Variants in POU2F1 observed in about 807,000 individuals in gnomAD.
POU2F1 encodes POU domain, class 2, transcription factor 1.
A neutral mutation model predicts 84.9 loss-of-function variants in POU2F1; 16 were observed. The ratio of observed to expected loss-of-function variants is 0.19; its 90% CI spans 0.13 to 0.29. The LOEUF is 0.29. Ranked by LOEUF, POU2F1 falls within the 10% of genes least tolerant of loss-of-function variation. The probability of loss-of-function intolerance (pLI) is 1.00; values close to 1 mark genes in which losing one functional copy is unlikely to be tolerated. For missense variants in POU2F1, 738 were observed against 942.6 expected, an observed-to-expected ratio of 0.78 and a Z score of 2.84; for synonymous variants, 368 against 368.3, an observed-to-expected ratio of 1.00 and a Z score of 0.01.
chr1:167,323,813 C>T (rs1437020810), intron 1 of POU2F1, among the ~76,000 whole-genome samples: 1 of 152,176 alleles, frequency 6.6e-6, no homozygotes, highest in Non-Finnish European at 1.5e-5. Flanking sequence ...ATGCCTCAGC[C>T]TACTGAGTAG....
At chr1:167,405,033 G>A (rs1207724797) in intron 13 of POU2F1, among the ~76,000 whole-genome samples, 3 of 152,228 alleles carry the variant, frequency 2.0e-5, no homozygotes, top group South Asian at 2.1e-4. Flanking sequence ...CCATAGGTAC[G>A]TTTGACACAT....
At chr1:167,302,478 CCTT>C (rs1571260001) in intron 1 of POU2F1, among the ~76,000 whole-genome samples, 1 of 152,042 alleles carries the variant, frequency 6.6e-6, no homozygotes, top group South Asian at 2.1e-4. Context: ...AAGAGGGTCT[CCTT>C]CTCCTGACCT....
chr1:167,381,816 GCCAGGCTGGTCTTGAACT>G (rs1647582108), intron 7 of POU2F1, among the ~76,000 whole-genome samples: 1 of 151,278 alleles, frequency 6.6e-6, no homozygotes, highest in Non-Finnish European at 1.5e-5. Flanking sequence ...CACCATGTTG[GCCAGGCTGGTCTTGAACT>G]CCTGACCTCA....
intron 9 of POU2F1, among the ~76,000 whole-genome samples, chr1:167,395,635 C>T (rs1396241684): frequency 2.0e-5 from 3 of 151,984 alleles, no homozygotes; most frequent in South Asian, 2.1e-4. Context: ...GACAGGATCT[C>T]GCTCTGTCAC....
At chr1:167,414,874 A>G (rs896967414) in intron 15 of POU2F1, among the ~76,000 whole-genome samples, 1 of 152,250 alleles carries the variant, frequency 6.6e-6, no homozygotes, top group South Asian at 2.1e-4. Context: ...TTCATCTTGT[A>G]TATCATAATA....
chr1:167,323,756 G>A (rs987696223), intron 1 of POU2F1, among the ~76,000 whole-genome samples: 7 of 152,218 alleles, frequency 4.6e-5, no homozygotes, highest in East Asian at 3.9e-4. Flanking sequence ...GCAGTCACGC[G>A]ATCTCGGCTC....
At chr1:167,357,091 C>T (rs576404312) in intron 2 of POU2F1, among the ~76,000 whole-genome samples, 3 of 152,194 alleles carry the variant, frequency 2.0e-5, no homozygotes, top group Admixed American at 6.5e-5. Flanking sequence ...TCCCTGAAGC[C>T]GGCTGCCAAT....
chr1:167,406,472 T>G (rs2101930454), intron 13 of POU2F1, among the ~76,000 whole-genome samples: 1 of 152,310 alleles, frequency 6.6e-6, no homozygotes, highest in East Asian at 1.9e-4. Context: ...GTAAGAGTGT[T>G]TGTTTGCTCT....
chr1:167,243,564 C>G (rs1223550465), intron 1 of POU2F1, among the ~76,000 whole-genome samples: 1 of 152,212 alleles, frequency 6.6e-6, no homozygotes, highest in Non-Finnish European at 1.5e-5. Flanking sequence ...CAACCTCTGC[C>G]TCCCAGGTTC....
intron 1 of POU2F1, among the ~76,000 whole-genome samples, chr1:167,313,598 T>C (rs1489621207): frequency 6.6e-6 from 1 of 151,872 alleles, no homozygotes. Context: ...GACAAATGAC[T>C]GAAGAAAAAA....
Position 167,422,611 on chromosome 1 carries a change from A to G in POU2F1, c.*6801A>G, listed in dbSNP as rs1042558927. On this transcript the variant is annotated 3_prime_UTR_variant, in exon 16 of 16. Transcript: ENST00000367866. ...TGAGAAATGATGCTGGCTTAGGAAA[A>G]ATCACAAGCCCTTTCTGCCCATACT... The G allele has an allele frequency of 2.0e-5, 3 of 152,194 alleles. No individual in the cohort carries two copies. Among genetic ancestry groups the G allele is most frequent in the South Asian group, 2.1e-4 (1 of 4,830 alleles). 9.4% of individuals were successfully genotyped at this position (152,194 alleles called of 1,614,324 possible).
At chr1:167,307,697 A>G (rs1346836957) in intron 1 of POU2F1, among the ~76,000 whole-genome samples, 1 of 152,290 alleles carries the variant, frequency 6.6e-6, no homozygotes, top group East Asian at 1.9e-4. Flanking sequence ...TAGCCACAAT[A>G]CAAACATAAA....
At chr1:167,247,160 C>T (rs924138356) in intron 1 of POU2F1, among the ~76,000 whole-genome samples, 1 of 151,910 alleles carries the variant, frequency 6.6e-6, no homozygotes, top group Non-Finnish European at 1.5e-5. Flanking sequence ...ACTGCACTCT[C>T]AACCTTCTGG....
intron 1 of POU2F1, among the ~76,000 whole-genome samples, chr1:167,298,425 A>G (rs911175410): frequency 1.3e-5 from 2 of 152,182 alleles, no homozygotes; most frequent in Non-Finnish European, 2.9e-5. Context: ...AATAGCAAGC[A>G]GAAGAAAACA....
intron 2 of POU2F1, among the ~76,000 whole-genome samples, chr1:167,344,600 CT>C (rs1270776650): frequency 6.6e-6 from 1 of 152,112 alleles, no homozygotes; most frequent in Admixed American, 6.5e-5. Context: ...AGGCAAGTTA[CT>C]TTTTTCATGT....
chr1:167,253,030 C>CT, intron 1 of POU2F1, among the ~76,000 whole-genome samples: 1 of 152,258 alleles, frequency 6.6e-6, no homozygotes, highest in East Asian at 1.9e-4. Context: ...AAATGGCCTT[C>CT]TTTTATCACC....
chr1:167,273,476 T>A (rs968362951), intron 1 of POU2F1, among the ~76,000 whole-genome samples: 2 of 152,172 alleles, frequency 1.3e-5, no homozygotes, highest in Non-Finnish European at 2.9e-5. Context: ...TTTCCATACA[T>A]CCTCTGAAAT....
At chr1:167,227,418 A>G (rs1026729585) in intron 1 of POU2F1, among the ~76,000 whole-genome samples, 5 of 152,164 alleles carry the variant, frequency 3.3e-5, no homozygotes, top group African/African-American at 1.2e-4. Flanking sequence ...AAAATGAACA[A>G]TATGCTGTGT....
intron 13 of POU2F1, 58 bp from the exon 14 acceptor site, chr1:167,411,901 C>G (rs894602554): frequency 3.3e-6 from 5 of 1,492,616 alleles, no homozygotes; most frequent in Non-Finnish European, 4.6e-6. Flanking sequence ...TGAGTAAAGC[C>G]ACCATTCTTC....
Sources: allele counts gnomAD v4.1 joint callset (sites outside exome capture counted in the v4.1 genomes callset), GRCh38; gene constraint gnomAD v4.1.1; transcripts MANE v1.5; gene names NCBI Gene and HGNC (gene_info 2026-07-23, HGNC 2026-07-21).